Variants in ZC3H3 observed in about 807,000 individuals in gnomAD.
ZC3H3 encodes the protein zinc finger CCCH domain-containing protein 3.
ZC3H3 carries 36 observed loss-of-function variants against 77.3 expected under a neutral mutation model. That is an observed-to-expected ratio of 0.47 (90% CI 0.36 to 0.61). The LOEUF is 0.61. ZC3H3 is among the 20% of genes least tolerant of loss of function. The probability of loss-of-function intolerance (pLI) is 0.00; values close to 1 mark genes in which losing one functional copy is unlikely to be tolerated. For missense variants in ZC3H3, 1,331 were observed against 1,312.2 expected (o/e 1.01, Z -0.22); for synonymous variants, 626 against 555.2 (o/e 1.13, Z -1.79).
rs556096645 is a variant in ZC3H3, at chr8:143,533,526, C to T, written c.1561+2731G>A. ...GGCTCCAGCCTCATCATCTCTTCAC[C>T]TTCACTGCAGTATCCCCAGGAGCCG... On this transcript the variant is annotated intron_variant, in intron 3 of 11. Transcript: ENST00000262577. This position sits in a 1 kb window ranked among gnomAD's most constrained non-coding sequence, Gnocchi z 4.0. Among the ~76,000 whole-genome samples the T allele has an allele frequency of 1.1e-3, 167 of 152,280 alleles. No homozygotes were observed. Among genetic ancestry groups the T allele is most frequent in the Admixed American group, 2.3e-3 (35 of 15,290 alleles).
chr8:143,514,864 C>CT (rs1486615582), intron 3 of ZC3H3, among the ~76,000 whole-genome samples: 20 of 152,202 alleles, frequency 1.3e-4, no homozygotes, highest in Non-Finnish European at 5.9e-5. Context: ...GGTTCTTTGT[C>CT]TGTTTCTTCT....
chr8:143,522,196 G>A (rs895242219), intron 3 of ZC3H3, among the ~76,000 whole-genome samples: 1 of 152,242 alleles, frequency 6.6e-6, no homozygotes, highest in East Asian at 1.9e-4. Flanking sequence ...CAAACGTCAT[G>A]CTGCTCCTCA....
intron 7 of ZC3H3, 39 bp downstream of exon 7, chr8:143,468,343 A>AGAACCTCCCCCAG (rs1563843742): frequency 6.2e-7 from 1 of 1,611,742 alleles, no homozygotes; most frequent in South Asian, 1.1e-5. Context: ...GGCCCTGCAC[A>AGAACCTCCCCCAG]GAACCTCCCC....
chr8:143,504,175 A>G (rs1285476001), intron 4 of ZC3H3, among the ~76,000 whole-genome samples: 1 of 152,210 alleles, frequency 6.6e-6, no homozygotes, highest in Non-Finnish European at 1.5e-5. Context: ...AGCTAGGGCC[A>G]ATAGCTCAGG....
chr8:143,497,180 C>T (rs997720251), intron 4 of ZC3H3, among the ~76,000 whole-genome samples: 4 of 152,176 alleles, frequency 2.6e-5, no homozygotes, highest in African/African-American at 4.8e-5. Flanking sequence ...AAAAATTAAA[C>T]GCAAGAAGCT....
At chr8:143,481,379 G>C (rs1820903033) in intron 4 of ZC3H3, among the ~76,000 whole-genome samples, 1 of 152,178 alleles carries the variant, frequency 6.6e-6, no homozygotes, top group Admixed American at 6.5e-5. Context: ...TGCCAGCCTC[G>C]GTGACATCCC....
In ZC3H3 at chr8:143,462,429, G is replaced by A. The variant is rs952715496; in HGVS notation, c.2307+3288C>T. ...TTGCCTCATAAAGGACGAAGGATTC[G>A]GCCTAACAAAGGGCAGCACTGGCGA... On this transcript the variant is annotated intron_variant, in intron 9 of 11. Transcript: ENST00000262577. The surrounding 1 kb of genome is among the most constrained non-coding windows in gnomAD (Gnocchi z 4.7). Among the ~76,000 whole-genome samples, 9 of 152,178 alleles carry A rather than the reference G, an allele frequency of 5.9e-5. No homozygotes were observed. The highest frequency in any genetic ancestry group is 2.1e-4 in the South Asian group (1 of 4,832).
chr8:143,504,294 G>A (rs558309607), intron 4 of ZC3H3, among the ~76,000 whole-genome samples: 4 of 152,126 alleles, frequency 2.6e-5, no homozygotes, highest in Non-Finnish European at 5.9e-5. Flanking sequence ...TGCAGTCCCC[G>A]CCATGAGCAT....
chr8:143,508,993 G>A (rs1291516731), intron 3 of ZC3H3, among the ~76,000 whole-genome samples: 1 of 152,142 alleles, frequency 6.6e-6, no homozygotes, highest in African/African-American at 2.4e-5. Context: ...TTGAGGCCGA[G>A]CTTCTAGCCC....
chr8:143,503,744 T>A (rs2130409081), intron 4 of ZC3H3, among the ~76,000 whole-genome samples: 1 of 131,592 alleles, frequency 7.6e-6, no homozygotes, highest in Non-Finnish European at 1.6e-5. Context: ...CACCCAGCCA[T>A]CCCCCGACCA....
rs896933 is a variant in ZC3H3 at position 143,533,031 on chromosome 8, T to A, written c.1561+3226A>T. On this transcript the variant is annotated intron_variant, in intron 3 of 11. Coordinates refer to ENST00000262577, the MANE Select transcript of ZC3H3 (RefSeq NM_015117.3). The surrounding 1 kb of genome is among the most constrained non-coding windows in gnomAD (Gnocchi z 4.0). ...TGGCGTCAGTGGCCTCACGCACAGG[T>A]CCTCCCGACTCTGCCCACTCGGGCC... Among the ~76,000 whole-genome samples the A allele has an allele frequency of 6.6e-6, 1 of 151,162 alleles. No individual in the cohort carries two copies. Among genetic ancestry groups the A allele is most frequent in the East Asian group, 2.0e-4 (1 of 5,072 alleles).
Position 143,538,194 on chromosome 8 carries a change from G to C in ZC3H3, c.1173C>G (p.Ser391=). Residue 391 remains serine (S), a synonymous_variant, in exon 2 of 12, where the codon TCC becomes TCG. Coordinates refer to ENST00000262577, the MANE Select transcript of ZC3H3 (RefSeq NM_015117.3). ...TGCTGGCCTCCGACTGCCAACGGAA[G>C]GAGGAAGAGGAGGAGGCAGAGGGGC... ...ASSPSASSSS[S]FRWQSEASSK... 1 of 1,612,958 alleles carries C rather than the reference G, an allele frequency of 6.2e-7. No homozygotes were observed. Among genetic ancestry groups the C allele is most frequent in the Non-Finnish European group, 8.5e-7 (1 of 1,179,972 alleles).
In ZC3H3 at chr8:143,493,903, TAA is replaced by T. The variant is rs548906446; in HGVS notation, c.1715+13841_1715+13842del. The stretch of plus-strand genomic sequence containing the variant: ...TGCATTGAAACGAAATGAATAGTAA[TAA>T]GTCACTAAGCTCCCTGTCCTGTTTC... On this transcript the variant is annotated intron_variant, in intron 4 of 11. Coordinates refer to ENST00000262577, the MANE Select transcript of ZC3H3 (RefSeq NM_015117.3). This position sits in a 1 kb window ranked among gnomAD's most constrained non-coding sequence, Gnocchi z 4.8. 1.6e-4 allele frequency among the ~76,000 whole-genome samples: 24 copies of T among 152,340 alleles called. 1 individual carries two copies. The East Asian group carries it at 4.4e-3, about 28-fold the overall frequency.
At chr8:143,459,801 A>G (rs1820210617) in intron 9 of ZC3H3, among the ~76,000 whole-genome samples, 1 of 152,204 alleles carries the variant, frequency 6.6e-6, no homozygotes, top group South Asian at 2.1e-4. Context: ...TAAATAGGAT[A>G]GAAGGCAACT....
intron 3 of ZC3H3, among the ~76,000 whole-genome samples, chr8:143,519,581 C>T (rs960229497): frequency 4.6e-5 from 7 of 152,184 alleles, no homozygotes; most frequent in African/African-American, 1.7e-4. Flanking sequence ...CAGGATCTGA[C>T]CAGTGTTCAC....
chr8:143,480,174 G>A (rs1160880308), intron 4 of ZC3H3, among the ~76,000 whole-genome samples: 1 of 152,226 alleles, frequency 6.6e-6, no homozygotes, highest in Non-Finnish European at 1.5e-5. Context: ...GGTGCTGGGG[G>A]CCTGGGCAAG....
At chr8:143,519,646 C>G (rs76419451) in intron 3 of ZC3H3, among the ~76,000 whole-genome samples, 21,475 of 152,134 alleles carry the variant, frequency 0.14, 2,045 homozygotes, top group East Asian at 0.46. Context: ...GTGCTGTGTG[C>G]GTGCACATGC....
chr8:143,517,160 G>A (rs1007281769), intron 3 of ZC3H3, among the ~76,000 whole-genome samples: 11 of 152,202 alleles, frequency 7.2e-5, no homozygotes, highest in Admixed American at 2.0e-4. Flanking sequence ...ATTATTGTGC[G>A]CGAGCCATCG....
intron 5 of ZC3H3, among the ~76,000 whole-genome samples, chr8:143,470,858 T>A (rs1293101849): frequency 6.6e-6 from 1 of 152,072 alleles, no homozygotes; most frequent in African/African-American, 2.4e-5. Flanking sequence ...TGCTAAAAAG[T>A]TCAACTGAAT....
Sources: gnomAD v4.1 joint callset for allele counts (sites outside exome capture counted in the v4.1 genomes callset) on GRCh38, gnomAD v4.1.1 for gene constraint, Gnocchi (gnomAD v3.1) non-coding constraint, MANE v1.5 for transcripts, NCBI Gene and HGNC (gene_info 2026-07-23, HGNC 2026-07-21) for gene names.